Variants in AUH observed in about 807,000 individuals in gnomAD.
AUH encodes the protein methylglutaconyl-CoA hydratase, mitochondrial.
Under a neutral mutation model 42.3 loss-of-function variants are expected in AUH, and 29 were observed. The observed-to-expected ratio is 0.69, with a 90% CI of 0.51 to 0.93. The LOEUF (loss-of-function observed/expected upper bound fraction) is 0.93, where lower values mean the gene tolerates loss of function less well. Ranked by LOEUF, AUH falls within the 40% of genes least tolerant of loss-of-function variation. The probability of loss-of-function intolerance (pLI) is 0.00; values close to 1 mark genes in which losing one functional copy is unlikely to be tolerated. For missense variants in AUH, 452 were observed against 438.1 expected (o/e 1.03, Z -0.28); for synonymous variants, 174 against 166.4 (o/e 1.05, Z -0.35).
chr9:91,287,182 T>C (rs568135711), intron 6 of AUH, among the ~76,000 whole-genome samples: 16 of 152,202 alleles, frequency 1.1e-4, no homozygotes, highest in African/African-American at 2.9e-4. Flanking sequence ...GCAACCCCAA[T>C]AGGATGCCCT....
At chr9:91,217,169 A>G in intron 8 of AUH, 108 bp downstream of exon 8, 1 of 1,176,200 alleles carries the variant, frequency 8.5e-7, no homozygotes, top group South Asian at 1.3e-5. Flanking sequence ...GCATTTAAAC[A>G]ACCATATTTT....
At chr9:91,301,590 T>C (rs780201313) in intron 4 of AUH, among the ~76,000 whole-genome samples, 1 of 152,110 alleles carries the variant, frequency 6.6e-6, no homozygotes, top group Non-Finnish European at 1.5e-5. Flanking sequence ...GGATGAAAAT[T>C]GTGTGCCCTT....
chr9:91,260,914 C>T (rs1829675394), intron 6 of AUH, among the ~76,000 whole-genome samples: 1 of 152,136 alleles, frequency 6.6e-6, no homozygotes, highest in African/African-American at 2.4e-5. Context: ...GCTGTTACTT[C>T]CAAAATTTAC....
At chr9:91,269,892 C>T (rs1377797598) in intron 6 of AUH, among the ~76,000 whole-genome samples, 1 of 152,166 alleles carries the variant, frequency 6.6e-6, no homozygotes, top group Non-Finnish European at 1.5e-5. Flanking sequence ...ATACCCAGAT[C>T]TGTACAAACC....
At chr9:91,296,769 G>A (rs1228440605) in intron 5 of AUH, among the ~76,000 whole-genome samples, 1 of 152,174 alleles carries the variant, frequency 6.6e-6, no homozygotes, top group Non-Finnish European at 1.5e-5. Context: ...TTCCTAAAAT[G>A]AAGTGAAAAG....
chr9:91,337,148 T>C (rs868312011), intron 3 of AUH, among the ~76,000 whole-genome samples: 10 of 152,200 alleles, frequency 6.6e-5, no homozygotes, highest in African/African-American at 2.4e-4. Flanking sequence ...GCAGAGATTA[T>C]TTCTCTGTTA....
intron 4 of AUH, among the ~76,000 whole-genome samples, chr9:91,315,445 C>G (rs1345705489): frequency 6.6e-6 from 1 of 152,202 alleles, no homozygotes; most frequent in Non-Finnish European, 1.5e-5. Flanking sequence ...CATTCCTGTT[C>G]CCTTTACCCC....
intron 3 of AUH, among the ~76,000 whole-genome samples, chr9:91,340,599 GACAC>G: frequency 1.3e-5 from 2 of 152,168 alleles, no homozygotes; most frequent in South Asian, 4.1e-4. Flanking sequence ...TCACCCAAAT[GACAC>G]TATCACTGAA....
chr9:91,234,801 G>A (rs983048944), intron 6 of AUH, among the ~76,000 whole-genome samples: 2 of 149,656 alleles, frequency 1.3e-5, no homozygotes, highest in African/African-American at 5.0e-5. Context: ...ACTGTGAGGA[G>A]TGTTACACAG....
intron 4 of AUH, among the ~76,000 whole-genome samples, chr9:91,302,217 C>CA (rs1363537807): frequency 1.3e-5 from 2 of 152,064 alleles, no homozygotes; most frequent in East Asian, 3.9e-4. Flanking sequence ...CCTGTAATCC[C>CA]AGCACTTTGG....
Position 91,339,177 on chromosome 9 carries a change from TG to T in AUH, c.419-13774del, listed in dbSNP as rs35348640. On this transcript the variant is annotated intron_variant, in intron 3 of 9. Coordinates refer to ENST00000375731, the MANE Select transcript of AUH (RefSeq NM_001698.3). The stretch of plus-strand genomic sequence containing the variant: ...ATGGGGTTATATCCCAATAAACTCA[TG>T]GGATGTTGAAAATATCACAACTGGA... 4.6e-5 allele frequency among the ~76,000 whole-genome samples: 7 copies of T among 152,214 alleles called. 1 individual carries two copies. Among genetic ancestry groups the T allele is most frequent in the Admixed American group, 4.6e-4 (7 of 15,276 alleles).
chr9:91,284,320 G>A (rs1826223850), intron 6 of AUH, among the ~76,000 whole-genome samples: 1 of 152,026 alleles, frequency 6.6e-6, no homozygotes, highest in South Asian at 2.1e-4. Context: ...ATTCAAGACG[G>A]ATTAAAGACT....
chr9:91,230,776 A>G (rs1309101740), intron 6 of AUH, among the ~76,000 whole-genome samples: 1 of 152,218 alleles, frequency 6.6e-6, no homozygotes, highest in African/African-American at 2.4e-5. Flanking sequence ...TCTAACAGAC[A>G]GGACCCTCAG....
intron 6 of AUH, among the ~76,000 whole-genome samples, chr9:91,230,834 C>CTG (rs1827830026): frequency 6.6e-6 from 1 of 152,198 alleles, no homozygotes; most frequent in African/African-American, 2.4e-5. Flanking sequence ...CAGTGTGCCC[C>CTG]TGCTGGAGGG....
chr9:91,325,485 A>G, intron 3 of AUH, 81 bp from the exon 4 acceptor site: 2 of 1,142,178 alleles, frequency 1.8e-6, no homozygotes. Flanking sequence ...ACTTAAGATT[A>G]GTATACAACT....
At chr9:91,257,527 G>A (rs1173458925) in intron 6 of AUH, among the ~76,000 whole-genome samples, 3 of 152,188 alleles carry the variant, frequency 2.0e-5, no homozygotes, top group Non-Finnish European at 4.4e-5. Context: ...GGAGAGGACT[G>A]CCACTCCCTT....
chr9:91,240,298 G>T (rs1342390825), intron 6 of AUH, among the ~76,000 whole-genome samples: 1 of 152,174 alleles, frequency 6.6e-6, no homozygotes, highest in Non-Finnish European at 1.5e-5. Flanking sequence ...CTCCGCCTTT[G>T]AGTGCTGTCT....
chr9:91,246,723 T>G (rs116326497), intron 6 of AUH, among the ~76,000 whole-genome samples: 1 of 152,226 alleles, frequency 6.6e-6, no homozygotes, highest in Non-Finnish European at 1.5e-5. Flanking sequence ...ACAATGAAGT[T>G]AGAAGCTAAG....
chr9:91,361,520 C>T (rs1013314940), intron 1 of AUH, 108 bp downstream of exon 1: 22 of 1,453,732 alleles, frequency 1.5e-5, no homozygotes, highest in Non-Finnish European at 1.8e-5. Context: ...TTCGGTGCGC[C>T]TGCCTGACCT....
Sources: allele counts gnomAD v4.1 joint callset (sites outside exome capture counted in the v4.1 genomes callset), GRCh38; gene constraint gnomAD v4.1.1; transcripts MANE v1.5; gene names NCBI Gene and HGNC (gene_info 2026-07-23, HGNC 2026-07-21).